The following KCNJ15 variants were observed in gnomAD, a reference collection of about 807,000 sequenced individuals.
The protein encoded by KCNJ15 is potassium inwardly rectifying channel subfamily J member 15, also known as ATP-sensitive inward rectifier potassium channel 15.
In KCNJ15, 14 loss-of-function variants were observed where a neutral mutation model predicts 23.0. The observed-to-expected ratio is 0.61, with a 90% CI of 0.40 to 0.95. The LOEUF is 0.95. Among genes scored for constraint, KCNJ15 ranks in the 40% least tolerant of loss-of-function variants. The pLI is 0.00. For missense variants in KCNJ15, 388 were observed against 461.8 expected, an observed-to-expected ratio of 0.84 and a Z score of 1.46; for synonymous variants, 185 against 183.2, an observed-to-expected ratio of 1.01 and a Z score of -0.08.
intron 1 of KCNJ15, among the ~76,000 whole-genome samples, chr21:38,269,247 A>G (rs1981821203): frequency 6.6e-6 from 1 of 151,668 alleles, no homozygotes; most frequent in African/African-American, 2.4e-5. Flanking sequence ...AAAACAAAAC[A>G]AAACTTACTT....
chr21:38,263,910 C>A (rs1601170297), intron 1 of KCNJ15, among the ~76,000 whole-genome samples: 1 of 152,244 alleles, frequency 6.6e-6, no homozygotes, highest in Middle Eastern at 3.4e-3. Context: ...TACATACACA[C>A]ACACACACAC....
At chr21:38,290,995 AACAC>A (rs57018976) in intron 1 of KCNJ15, among the ~76,000 whole-genome samples, 89 of 127,240 alleles carry the variant, frequency 7.0e-4, no homozygotes, top group African/African-American at 1.7e-3. Context: ...AAAAAGGCTA[AACAC>A]ACACACACAC....
rs1309528014 is a variant in KCNJ15, at chr21:38,299,511, A to G, written c.250A>G (p.Ile84Val). 7 of 1,614,052 alleles carry G rather than the reference A, an allele frequency of 4.3e-6. No individual in the cohort carries two copies. The Admixed American group carries it at 1.0e-4, about 23-fold the overall frequency. ...FVMTWFLFGV[I>V]YYAIAFIHGD... is the part of the protein sequence containing the mutation. ...GATGACCTGGTTCCTTTTTGGAGTC[A>G]TCTACTATGCCATCGCGTTTATTCA... The change falls in exon 3 of 3, where the codon ATC becomes GTC. Residue 84 changes from isoleucine to valine, a missense_variant. Physicochemically the swap from Ile to Val is conservative, Grantham distance 29 (BLOSUM62 3). Coordinates refer to ENST00000398938, the MANE Select transcript of KCNJ15 (RefSeq NM_170736.3). This position sits in a 1 kb window ranked among gnomAD's most constrained non-coding sequence, Gnocchi z 4.5.
chr21:38,299,997 C>T lies in KCNJ15; in HGVS notation c.736C>T (p.Pro246Ser). The change falls in exon 3 of 3, where the codon CCC becomes TCC. Residue 246 changes from proline to serine, a missense_variant. Pro to Ser is a moderately conservative substitution (Grantham distance 74, BLOSUM62 -1). Coordinates refer to ENST00000398938, the MANE Select transcript of KCNJ15 (RefSeq NM_170736.3). This position sits in a 1 kb window ranked among gnomAD's most constrained non-coding sequence, Gnocchi z 4.5. ...KFHVDSSSES[P>S]FLILPMTFYH... ...CCACGTGGACTCCTCCTCTGAGAGC[C>T]CCTTCCTCATTCTGCCCATGACATT... 6.2e-7 allele frequency: 1 copy of T among 1,614,056 alleles called. No individual in the cohort carries two copies. Among genetic ancestry groups the T allele is most frequent in the Non-Finnish European group, 8.5e-7 (1 of 1,180,020 alleles).
At chr21:38,249,183 G>GA (rs1379446426) in intron 1 of KCNJ15, among the ~76,000 whole-genome samples, 1 of 152,140 alleles carries the variant, frequency 6.6e-6, no homozygotes, top group Non-Finnish European at 1.5e-5. Context: ...TGTAAAATGA[G>GA]ATTTGACTGG....
intron 1 of KCNJ15, among the ~76,000 whole-genome samples, chr21:38,241,010 A>G (rs1978958563): frequency 6.6e-6 from 1 of 152,246 alleles, no homozygotes; most frequent in Non-Finnish European, 1.5e-5. Flanking sequence ...TGTTCAAATT[A>G]TTGACAGATT....
chr21:38,287,598 G>C (rs960862556), intron 1 of KCNJ15, among the ~76,000 whole-genome samples: 3 of 152,082 alleles, frequency 2.0e-5, no homozygotes, highest in African/African-American at 7.2e-5. Flanking sequence ...TAAATTATTT[G>C]CTGTCCATCT....
At chr21:38,249,245 T>G (rs1204629683) in intron 1 of KCNJ15, among the ~76,000 whole-genome samples, 2 of 152,176 alleles carry the variant, frequency 1.3e-5, no homozygotes, top group Non-Finnish European at 2.9e-5. Flanking sequence ...TAATGACTTT[T>G]GCCCAAGAGA....
chr21:38,290,663 G>A (rs753820136), intron 1 of KCNJ15, among the ~76,000 whole-genome samples: 1 of 152,102 alleles, frequency 6.6e-6, no homozygotes, highest in African/African-American at 2.4e-5. Context: ...AGTAGCTCAG[G>A]TGTGGAGCCT....
intron 1 of KCNJ15, among the ~76,000 whole-genome samples, chr21:38,274,186 C>T (rs1024136417): frequency 2.0e-5 from 3 of 152,338 alleles, no homozygotes; most frequent in Non-Finnish European, 4.4e-5. Context: ...TAAGCAAAGA[C>T]GTGAACTAGT....
chr21:38,278,085 G>A (rs1000646083), intron 1 of KCNJ15, among the ~76,000 whole-genome samples: 2 of 152,180 alleles, frequency 1.3e-5, no homozygotes, highest in African/African-American at 4.8e-5. Context: ...ACACAATGAC[G>A]TTCCCTCTGC....
intron 1 of KCNJ15, among the ~76,000 whole-genome samples, chr21:38,278,441 T>C (rs555945939): frequency 7.2e-4 from 110 of 152,356 alleles, no homozygotes; most frequent in African/African-American, 2.5e-3. Flanking sequence ...TGTGGAGTTA[T>C]ACATACATGA....
chr21:38,258,898 A>C (rs1390044781), intron 1 of KCNJ15, among the ~76,000 whole-genome samples: 1 of 152,112 alleles, frequency 6.6e-6, no homozygotes, highest in African/African-American at 2.4e-5. Flanking sequence ...AGCAAACCTG[A>C]GAAGCCAACA....
chr21:38,236,267 G>C (rs1978595212), intron 1 of KCNJ15, among the ~76,000 whole-genome samples: 1 of 152,146 alleles, frequency 6.6e-6, no homozygotes, highest in Non-Finnish European at 1.5e-5. Flanking sequence ...GCTCTGGCTG[G>C]TATTTGTATC....
chr21:38,230,132 A>G (rs1985464551), intron 1 of KCNJ15, among the ~76,000 whole-genome samples: 1 of 152,064 alleles, frequency 6.6e-6, no homozygotes, highest in African/African-American at 2.4e-5. Flanking sequence ...CTTTTTTTTA[A>G]TGTTACCACC....
chr21:38,257,334 G>A (rs1248641701), intron 1 of KCNJ15, 149 bp downstream of exon 1: 1 of 152,178 alleles, frequency 6.6e-6, no homozygotes, highest in Non-Finnish European at 1.5e-5. Flanking sequence ...TTATCTGGGG[G>A]AATTTACAAG....
At chr21:38,258,599 T>G (rs969961586) in intron 1 of KCNJ15, among the ~76,000 whole-genome samples, 1 of 152,234 alleles carries the variant, frequency 6.6e-6, no homozygotes, top group Admixed American at 6.5e-5. Context: ...TCAGAAACGC[T>G]CATCAAATAA....
intron 1 of KCNJ15, among the ~76,000 whole-genome samples, chr21:38,286,443 G>A (rs536282695): frequency 2.6e-5 from 4 of 152,236 alleles, no homozygotes; most frequent in African/African-American, 9.6e-5. Context: ...TCTCCTCATT[G>A]GTCTTACTGT....
At chr21:38,274,401 A>G (rs745876810) in intron 1 of KCNJ15, among the ~76,000 whole-genome samples, 19 of 121,678 alleles carry the variant, frequency 1.6e-4, no homozygotes, top group Non-Finnish European at 2.9e-4. Context: ...ACTCCTCAAT[A>G]AACAGGAAGA....
Sources: gnomAD v4.1 joint callset for allele counts (sites outside exome capture counted in the v4.1 genomes callset) on GRCh38, gnomAD v4.1.1 for gene constraint, Gnocchi (gnomAD v3.1) non-coding constraint, MANE v1.5 for transcripts, NCBI Gene and HGNC (gene_info 2026-07-23, HGNC 2026-07-21) for gene names.